The following UBA2 variants were observed in gnomAD, a reference collection of about 807,000 sequenced individuals.
The protein encoded by UBA2 is SUMO-activating enzyme subunit 2.
UBA2 carries 11 observed loss-of-function variants against 77.2 expected under a neutral mutation model. That is an observed-to-expected ratio of 0.14 (90% CI 0.09 to 0.24). The LOEUF (loss-of-function observed/expected upper bound fraction) is 0.24, where lower values mean the gene tolerates loss of function less well. Ranked by LOEUF, UBA2 falls within the 10% of genes least tolerant of loss-of-function variation. The probability of loss-of-function intolerance (pLI) is 1.00; values close to 1 mark genes in which losing one functional copy is unlikely to be tolerated. For missense variants in UBA2, 487 were observed against 781.7 expected (o/e 0.62, Z 4.50); for synonymous variants, 278 against 276.7 (o/e 1.00, Z -0.05).
chr19:34,467,400 C>T (rs532581245), intron 16 of UBA2, among the ~76,000 whole-genome samples: 4 of 149,992 alleles, frequency 2.7e-5, no homozygotes, highest in East Asian at 3.9e-4. Context: ...CCCAGGAGTT[C>T]GACACTGCAG....
intron 1 of UBA2, chr19:34,428,882 A>C (rs1183127329): frequency 9.6e-7 from 1 of 1,038,434 alleles, no homozygotes; most frequent in Non-Finnish European, 1.2e-6. Flanking sequence ...CTTCAAAACA[A>C]ATTCCCGGCT....
chr19:34,465,410 G>A (rs1416850406), intron 15 of UBA2, among the ~76,000 whole-genome samples: 8 of 151,982 alleles, frequency 5.3e-5, no homozygotes, highest in Non-Finnish European at 8.8e-5. Flanking sequence ...AGGCTGAGGC[G>A]GGTGGATCAC....
chr19:34,454,275 A>G lies in UBA2; in HGVS notation c.1054A>G (p.Met352Val), dbSNP rs1164679388. Residue 352 changes from methionine (M) to valine (V), a missense_variant, in exon 11 of 17, where the codon ATG (methionine) becomes GTG (valine). Met to Val is a conservative substitution (Grantham distance 21). Coordinates refer to ENST00000246548, the MANE Select transcript of UBA2 (RefSeq NM_005499.3). ...TTATTGGCAGGATGACCCATCTGCA[A>G]TGGATTTTGTCACCTCTGCTGCAAA... ...LIWDKDDPSA[M>V]DFVTSAANLR... is the part of the protein sequence containing the mutation. 13 of 1,610,982 alleles carry G rather than the reference A, an allele frequency of 8.1e-6. No individual in the cohort carries two copies. Among genetic ancestry groups the G allele is most frequent in the Non-Finnish European group, 1.1e-5 (13 of 1,179,520 alleles).
intron 5 of UBA2, among the ~76,000 whole-genome samples, chr19:34,435,173 G>A (rs528620018): frequency 7.3e-5 from 11 of 151,486 alleles, no homozygotes; most frequent in Admixed American, 1.3e-4. Context: ...CGAGGTGGGC[G>A]GATCACCTGA....
intron 10 of UBA2, among the ~76,000 whole-genome samples, chr19:34,453,215 A>T (rs1272674198): frequency 6.6e-6 from 1 of 152,234 alleles, no homozygotes; most frequent in African/African-American, 2.4e-5. Context: ...TTGCCTGAGG[A>T]TTCACAGCCA....
At position 34,460,381 on chromosome 19, in the gene UBA2, A is replaced by G. The variant is rs576152718; in HGVS notation, c.1402-89A>G. ...GCCGGTTTCCAATAAATAGAAGGGG[A>G]AAGTAAGAGCCTTTATAGAAGTCTA... is the stretch of plus-strand genomic sequence containing the variant. On this transcript the variant is annotated intron_variant, in intron 13 of 16. Coordinates refer to ENST00000246548, the MANE Select transcript of UBA2 (RefSeq NM_005499.3). 51 of 859,120 alleles carry G rather than the reference A, an allele frequency of 5.9e-5. 1 individual carries two copies. The South Asian group carries it at 8.2e-4, about 14-fold the overall frequency. 53.2% of individuals were successfully genotyped at this position (859,120 alleles called of 1,614,324 possible). A position where few individuals can be genotyped will look rare whatever the true frequency, so the allele number is the denominator to read the frequency against.
At chr19:34,457,351 A>C (rs2030766066) in intron 12 of UBA2, among the ~76,000 whole-genome samples, 2 of 151,372 alleles carry the variant, frequency 1.3e-5, no homozygotes, top group African/African-American at 4.9e-5. Context: ...TGGCAACAAG[A>C]GCGAAACTCT....
intron 3 of UBA2, among the ~76,000 whole-genome samples, chr19:34,432,801 C>T (rs571360828): frequency 2.6e-5 from 4 of 152,312 alleles, no homozygotes; most frequent in African/African-American, 9.6e-5. Context: ...GTGATCCACC[C>T]GCCTTGGCCT....
In UBA2 at chr19:34,470,880, G is replaced by A; in HGVS notation, c.*1659G>A. ...CAGTTGGCCTTTGTTGAGAAAATGTGTGACTTTGCCCAAGCCCAGTAACTT... is the reference window on the plus strand; with the variant it reads ...CAGTTGGCCTTTGTTGAGAAAATGTATGACTTTGCCCAAGCCCAGTAACTT... On this transcript the variant is annotated 3_prime_UTR_variant, in exon 17 of 17. Transcript: ENST00000246548. 1 of 152,278 alleles carries A rather than the reference G, an allele frequency of 6.6e-6. No individual in the cohort carries two copies. Among genetic ancestry groups the A allele is most frequent in the East Asian group, 1.9e-4 (1 of 5,198 alleles). The allele number at this position is 152,278 out of a possible 1,614,324, so 9.4% of individuals were successfully genotyped here. A position where few individuals can be genotyped will look rare whatever the true frequency, so the allele number is the denominator to read the frequency against.
At chr19:34,451,090 C>T (rs1300068910) in intron 9 of UBA2, among the ~76,000 whole-genome samples, 1 of 152,062 alleles carries the variant, frequency 6.6e-6, no homozygotes. Context: ...CATCCCTGGA[C>T]TCCTGGGCTC....
chr19:34,433,113 T>C (rs754027632), intron 3 of UBA2: 12 of 444,506 alleles, frequency 2.7e-5, no homozygotes, highest in Non-Finnish European at 4.4e-5. Context: ...TCTGCCAGTT[T>C]GAGATCTTTC....
chr19:34,446,469 T>G (rs1390621783), intron 8 of UBA2, among the ~76,000 whole-genome samples: 1 of 152,348 alleles, frequency 6.6e-6, no homozygotes, highest in East Asian at 1.9e-4. Flanking sequence ...TCGGATCTTT[T>G]TTTTCTTGGT....
At chr19:34,450,661 T>G (rs1450456627) in intron 9 of UBA2, among the ~76,000 whole-genome samples, 3 of 152,032 alleles carry the variant, frequency 2.0e-5, no homozygotes, top group Non-Finnish European at 4.4e-5. Flanking sequence ...TCAGTATAGT[T>G]AACTAGTCTC....
chr19:34,436,871 CTG>C (rs1471825490), intron 5 of UBA2, among the ~76,000 whole-genome samples: 2 of 152,118 alleles, frequency 1.3e-5, no homozygotes, highest in Non-Finnish European at 2.9e-5. Flanking sequence ...CTACAAAAGA[CTG>C]TTGTGTATGT....
chr19:34,456,151 CTGGAGTACAG>C (rs1046768095), intron 12 of UBA2, among the ~76,000 whole-genome samples: 3 of 120,436 alleles, frequency 2.5e-5, no homozygotes, highest in African/African-American at 6.1e-5. Flanking sequence ...CTCACCCAGG[CTGGAGTACAG>C]TGGAGTACAG....
chr19:34,442,285 G>A (rs779763810), intron 6 of UBA2, among the ~76,000 whole-genome samples: 1 of 152,102 alleles, frequency 6.6e-6, no homozygotes, highest in Admixed American at 6.6e-5. Context: ...TTTTTCACTC[G>A]AAGGGAAACC....
rs763049513 is a variant in UBA2 at position 34,450,270 on chromosome 19, T to C, written c.777T>C (p.Phe259=). 1 of 1,606,380 alleles carries C rather than the reference T, an allele frequency of 6.2e-7. No homozygotes were observed. Among genetic ancestry groups the C allele is most frequent in the Non-Finnish European group, 8.5e-7 (1 of 1,177,636 alleles). ...YDPVKLFTKL[F]KDDIRYLLTM... The stretch of plus-strand genomic sequence containing the variant: ...ATCTGTCTTTCTTTTGTAAGCTTTT[T>C]AAAGATGACATCAGGTATCTGTTGA... The change falls in exon 9 of 17, where the codon TTT becomes TTC. Residue 259 remains phenylalanine (F), a synonymous_variant. Transcript: ENST00000246548.
Position 34,469,228 on chromosome 19 carries a change from A to G in UBA2, c.*7A>G, listed in dbSNP as rs2075716708. ...TGTCATAGCATTAGATTGAACAGAA[A>G]TGCCTCTAAACAGAACCCTCTTACT... On this transcript the variant is annotated 3_prime_UTR_variant, in exon 17 of 17. Coordinates refer to ENST00000246548, the MANE Select transcript of UBA2 (RefSeq NM_005499.3). 2 of 1,570,280 alleles carry G rather than the reference A, an allele frequency of 1.3e-6. No homozygotes were observed. Among genetic ancestry groups the G allele is most frequent in the Non-Finnish European group, 1.7e-6 (2 of 1,162,552 alleles).
intron 6 of UBA2, among the ~76,000 whole-genome samples, chr19:34,441,273 G>A (rs181844738): frequency 8.9e-4 from 136 of 152,050 alleles, no homozygotes; most frequent in African/African-American, 3.0e-3. Context: ...GGCTAACACG[G>A]TGAAACCCCA....
Sources: gnomAD v4.1 joint callset for allele counts (sites outside exome capture counted in the v4.1 genomes callset) on GRCh38, gnomAD v4.1.1 for gene constraint, MANE v1.5 for transcripts, NCBI Gene and HGNC (gene_info 2026-07-23, HGNC 2026-07-21) for gene names.